Variants in ITFG1 observed in about 807,000 individuals in gnomAD.
The protein encoded by ITFG1 is integrin alpha FG-GAP repeat containing 1, also known as T-cell immunomodulatory protein.
Under a neutral mutation model 81.8 loss-of-function variants are expected in ITFG1, and 34 were observed. The observed-to-expected ratio is 0.42, with a 90% CI of 0.32 to 0.55. ITFG1 has a LOEUF of 0.55. ITFG1 is among the 20% of genes least tolerant of loss of function. The pLI is 0.17. For missense variants in ITFG1, 672 were observed against 755.4 expected, an observed-to-expected ratio of 0.89 and a Z score of 1.29; for synonymous variants, 285 against 270.6, an observed-to-expected ratio of 1.05 and a Z score of -0.52.
intron 10 of ITFG1, among the ~76,000 whole-genome samples, chr16:47,280,133 A>G (rs1227047051): frequency 6.6e-6 from 1 of 152,158 alleles, no homozygotes; most frequent in African/African-American, 2.4e-5. Flanking sequence ...TGCACTGGGT[A>G]AGACTTCCAG....
At chr16:47,239,632 A>G (rs1015440541) in intron 12 of ITFG1, among the ~76,000 whole-genome samples, 1 of 152,226 alleles carries the variant, frequency 6.6e-6, no homozygotes, top group African/African-American at 2.4e-5. Context: ...TAGAATATTT[A>G]CATTAAATAC....
At chr16:47,334,311 C>T (rs1759153782) in intron 8 of ITFG1, among the ~76,000 whole-genome samples, 1 of 151,930 alleles carries the variant, frequency 6.6e-6, no homozygotes, top group African/African-American at 2.4e-5. Flanking sequence ...GCCTGTAGTC[C>T]CAAATACTTA....
chr16:47,173,213 G>GCTTT (rs1567413382), intron 14 of ITFG1, among the ~76,000 whole-genome samples: 2 of 152,130 alleles, frequency 1.3e-5, no homozygotes, highest in East Asian at 3.9e-4. Context: ...CTTTTACTCT[G>GCTTT]CTTTATTCCC....
At chr16:47,433,902 A>G (rs1282947928) in intron 5 of ITFG1, among the ~76,000 whole-genome samples, 1 of 99,714 alleles carries the variant, frequency 1.0e-5, no homozygotes, top group Non-Finnish European at 2.0e-5. Context: ...ATATATATAT[A>G]TATAGTTGTC....
chr16:47,416,772 T>C (rs1333210535), intron 6 of ITFG1, among the ~76,000 whole-genome samples: 28 of 152,204 alleles, frequency 1.8e-4, no homozygotes, highest in Non-Finnish European at 1.5e-5. Context: ...TGGAGAACCA[T>C]GAGCCACAAT....
At chr16:47,278,547 C>G (rs1966420981) in intron 10 of ITFG1, among the ~76,000 whole-genome samples, 1 of 152,094 alleles carries the variant, frequency 6.6e-6, no homozygotes, top group Non-Finnish European at 1.5e-5. Flanking sequence ...GCGAGGCAGG[C>G]CGACTTGTTT....
At chr16:47,327,496 G>C (rs981413454) in intron 8 of ITFG1, among the ~76,000 whole-genome samples, 38 of 152,222 alleles carry the variant, frequency 2.5e-4, no homozygotes, top group Admixed American at 1.2e-3. Flanking sequence ...AAACTAAAGA[G>C]CTTCTGCACA....
intron 8 of ITFG1, among the ~76,000 whole-genome samples, chr16:47,348,953 C>T (rs995948058): frequency 4.6e-5 from 7 of 152,074 alleles, no homozygotes; most frequent in African/African-American, 1.7e-4. Context: ...TCATATCCAG[C>T]CAAACTAAGC....
intron 14 of ITFG1, chr16:47,196,213 T>C (rs1476737743): frequency 1.3e-5 from 2 of 151,974 alleles, no homozygotes; most frequent in Non-Finnish European, 2.9e-5. Flanking sequence ...TTTTTTTTTT[T>C]TTTTGGTATT....
intron 10 of ITFG1, among the ~76,000 whole-genome samples, chr16:47,272,487 C>G (rs372559364): frequency 2.0e-5 from 3 of 150,292 alleles, no homozygotes; most frequent in East Asian, 3.9e-4. Context: ...TCTCTGCCTC[C>G]CAGGTAGAAG....
intron 13 of ITFG1, among the ~76,000 whole-genome samples, chr16:47,234,542 C>CATGGG (rs1408932923): frequency 6.6e-6 from 1 of 152,014 alleles, no homozygotes; most frequent in East Asian, 1.9e-4. Flanking sequence ...CCTCAAGCCA[C>CATGGG]AGAACCAGGA....
chr16:47,434,510 T>C (rs1969140756), intron 5 of ITFG1, among the ~76,000 whole-genome samples: 1 of 152,128 alleles, frequency 6.6e-6, no homozygotes, highest in South Asian at 2.1e-4. Flanking sequence ...TACCATCTCA[T>C]GCCTGTCAGA....
chr16:47,328,968 C>A (rs1025243121), intron 8 of ITFG1, among the ~76,000 whole-genome samples: 1 of 152,074 alleles, frequency 6.6e-6, no homozygotes, highest in African/African-American at 2.4e-5. Flanking sequence ...TTCGTCAGTA[C>A]GATCCTGCAT....
rs566980750 is a variant in ITFG1, at chr16:47,318,875, A to G, written c.803-5052T>C. Among the ~76,000 whole-genome samples, 128 of 152,314 alleles carry G rather than the reference A, an allele frequency of 8.4e-4. 1 individual carries two copies. The highest frequency in any genetic ancestry group is 2.9e-3 in the African/African-American group (121 of 41,586). On this transcript the variant is annotated intron_variant, in intron 8 of 17. Transcript: ENST00000320640. ...ATATGTTGTTTTGGTTGACAAATAC[A>G]AAAAATGCAGTTGGTAGAAGTATTA...
chr16:47,446,250 G>C (rs1969323461), intron 5 of ITFG1, among the ~76,000 whole-genome samples: 1 of 152,132 alleles, frequency 6.6e-6, no homozygotes, highest in African/African-American at 2.4e-5. Flanking sequence ...ACAGAAGACT[G>C]GGAAAAGCAT....
intron 6 of ITFG1, among the ~76,000 whole-genome samples, chr16:47,377,679 A>T (rs1968344510): frequency 6.6e-6 from 1 of 151,976 alleles, no homozygotes; most frequent in Non-Finnish European, 1.5e-5. Context: ...TCCTCTCCCT[A>T]GACATAGCTT....
intron 14 of ITFG1, among the ~76,000 whole-genome samples, chr16:47,174,862 T>C (rs1281419185): frequency 6.6e-6 from 1 of 152,172 alleles, no homozygotes; most frequent in African/African-American, 2.4e-5. Flanking sequence ...CATCTAACGG[T>C]AATACCTACA....
intron 1 of ITFG1, 138 bp from the exon 2 acceptor site, chr16:47,459,313 T>C (rs1596998399): frequency 8.2e-6 from 5 of 607,850 alleles, no homozygotes; most frequent in East Asian, 5.5e-5. Context: ...CTCTCAAGCA[T>C]AGTCCCACTA....
chr16:47,391,738 T>C (rs1218772174), intron 6 of ITFG1, among the ~76,000 whole-genome samples: 1 of 152,214 alleles, frequency 6.6e-6, no homozygotes, highest in Admixed American at 6.5e-5. Context: ...TGCATCTTGT[T>C]AGATTACTGA....
Sources: gnomAD v4.1 joint callset for allele counts (sites outside exome capture counted in the v4.1 genomes callset) on GRCh38, gnomAD v4.1.1 for gene constraint, MANE v1.5 for transcripts, NCBI Gene and HGNC (gene_info 2026-07-23, HGNC 2026-07-21) for gene names.